The following PRDM1 variants were observed in gnomAD, a reference collection of about 807,000 sequenced individuals.
The protein encoded by PRDM1 is PR domain zinc finger protein 1.
In PRDM1, 13 loss-of-function variants were observed where a neutral mutation model predicts 62.8. That is an observed-to-expected ratio of 0.21 (90% CI 0.13 to 0.33). The LOEUF (loss-of-function observed/expected upper bound fraction) is 0.33, where lower values mean the gene tolerates loss of function less well. Ranked by LOEUF, PRDM1 falls within the 10% of genes least tolerant of loss-of-function variation. PRDM1 has a pLI of 1.00. For synonymous variants in PRDM1, 396 were observed against 417.6 expected (o/e 0.95, Z 0.63); for missense variants, 895 against 1,058.8 (o/e 0.85, Z 2.15).
Position 106,106,873 on chromosome 6 carries a change from G to A in PRDM1, c.1903-38G>A. On this transcript the variant is annotated intron_variant, in intron 6 of 6. Transcript: ENST00000369096. This position sits in a 1 kb window ranked among gnomAD's most constrained non-coding sequence, Gnocchi z 4.4. Reference sequence around the variant, plus strand: ...CAACTCTTAATCTTCTGGCCTTCCTGTCTCCCTTCCCTGCTGTCTCTCTCC... The same window carrying A: ...CAACTCTTAATCTTCTGGCCTTCCTATCTCCCTTCCCTGCTGTCTCTCTCC... The A allele has an allele frequency of 6.4e-7, 1 of 1,562,402 alleles. No individual in the cohort carries two copies.
intron 1 of PRDM1, among the ~76,000 whole-genome samples, chr6:106,077,549 C>T (rs1205970833): frequency 4.6e-5 from 7 of 152,228 alleles, no homozygotes; most frequent in Non-Finnish European, 5.9e-5. Context: ...TTCAATAAAC[C>T]AGGACTGCAT....
At chr6:106,092,913 A>G (rs769336028) in intron 2 of PRDM1, among the ~76,000 whole-genome samples, 2 of 152,190 alleles carry the variant, frequency 1.3e-5, no homozygotes, top group African/African-American at 4.8e-5. Flanking sequence ...ATCTTTATCT[A>G]TAGGTGTGAG....
intron 1 of PRDM1, among the ~76,000 whole-genome samples, chr6:106,054,921 T>C (rs988601299): frequency 5.9e-5 from 9 of 152,346 alleles, no homozygotes; most frequent in African/African-American, 2.2e-4. Context: ...ATATTCTGAA[T>C]TCATAGCGAG....
intron 1 of PRDM1, among the ~76,000 whole-genome samples, chr6:106,021,910 G>A (rs770565579): frequency 1.3e-5 from 2 of 152,052 alleles, no homozygotes; most frequent in Non-Finnish European, 2.9e-5. Flanking sequence ...GTGAGCCACC[G>A]TGCCCAGCGT....
At chr6:106,047,119 T>C (rs1773093717), upstream of PRDM1, among the ~76,000 whole-genome samples, 1 of 152,234 alleles carries the variant, frequency 6.6e-6, no homozygotes, top group South Asian at 2.1e-4. Context: ...GTCTTCATGA[T>C]ACTGTAGTCA....
rs1773875369 is a variant in PRDM1 at position 106,088,504 on chromosome 6, A to G, written c.291+55A>G. On this transcript the variant is annotated intron_variant, in intron 2 of 6. Transcript: ENST00000369096. ...TGGGGACCTGGTGCCAAATCTCCCT[A>G]CTTGCCCTTGAGGCCTTGTATATCT... is the stretch of plus-strand genomic sequence containing the variant. 5.6e-6 allele frequency: 9 copies of G among 1,607,780 alleles called. No individual in the cohort carries two copies. The East Asian group carries it at 1.6e-4, about 28-fold the overall frequency.
Position 106,108,334 on chromosome 6 carries a change from C to T in PRDM1, c.*848C>T, listed in dbSNP as rs577859021. The T allele has an allele frequency of 3.9e-5, 9 of 233,596 alleles. 1 individual carries two copies. Among genetic ancestry groups the T allele is most frequent in the Middle Eastern group, 1.3e-3 (1 of 786 alleles). The allele number at this position is 233,596 out of a possible 1,614,324, so 14.5% of individuals were successfully genotyped here. A position where few individuals can be genotyped will look rare whatever the true frequency, so the allele number is the denominator to read the frequency against. On this transcript the variant is annotated 3_prime_UTR_variant, in exon 7 of 7. Transcript: ENST00000369096. ...CCTCCCACCGCCCTGCCCTCCCCAC[C>T]GAGTCCTGTGGCCATTCAGAGCGGC...
chr6:106,102,359 C>A (rs998617343), intron 4 of PRDM1, among the ~76,000 whole-genome samples: 11 of 152,212 alleles, frequency 7.2e-5, no homozygotes, highest in Admixed American at 3.3e-4. Context: ...TTTTAAAATG[C>A]ACCTTTACTG....
intron 1 of PRDM1, among the ~76,000 whole-genome samples, chr6:106,025,106 C>T (rs1020773299): frequency 1.3e-5 from 2 of 152,120 alleles, no homozygotes; most frequent in Non-Finnish European, 2.9e-5. Context: ...GCTTTTTAAG[C>T]AAGCACACCA....
At chr6:105,995,897 T>G (rs983857178) in intron 1 of PRDM1, among the ~76,000 whole-genome samples, 3 of 152,196 alleles carry the variant, frequency 2.0e-5, no homozygotes, top group Non-Finnish European at 4.4e-5. Flanking sequence ...TTTTAAACAC[T>G]GTGGTTCAAA....
chr6:106,055,411 AGTAG>A (rs1773248706), intron 1 of PRDM1, among the ~76,000 whole-genome samples: 1 of 152,218 alleles, frequency 6.6e-6, no homozygotes, highest in Non-Finnish European at 1.5e-5. Context: ...GCATGTGATT[AGTAG>A]CCTGGTTCAC....
chr6:106,042,993 G>A (rs1245510645), intron 1 of PRDM1, among the ~76,000 whole-genome samples: 2 of 152,104 alleles, frequency 1.3e-5, no homozygotes, highest in Admixed American at 1.3e-4. Context: ...TGGGATTATA[G>A]GCATGTGCCA....
chr6:106,038,906 A>G (rs1003717609), intron 1 of PRDM1, among the ~76,000 whole-genome samples: 2 of 152,194 alleles, frequency 1.3e-5, no homozygotes, highest in Non-Finnish European at 2.9e-5. Flanking sequence ...TCTAGCTGAG[A>G]AGACAGGTCC....
At chr6:106,069,895 T>C (rs1468219012) in intron 1 of PRDM1, among the ~76,000 whole-genome samples, 2 of 152,200 alleles carry the variant, frequency 1.3e-5, no homozygotes, top group Non-Finnish European at 2.9e-5. Context: ...GTCTCTACAT[T>C]ATTTGTGGCC....
chr6:106,101,234 CT>C (rs1247107205), intron 4 of PRDM1, among the ~76,000 whole-genome samples: 1 of 152,072 alleles, frequency 6.6e-6, no homozygotes, highest in African/African-American at 2.4e-5. Context: ...TTGATTTTTG[CT>C]TTTCTTTAAA....
chr6:106,053,661 A>G (rs1369956925), intron 1 of PRDM1, among the ~76,000 whole-genome samples: 1 of 152,038 alleles, frequency 6.6e-6, no homozygotes, highest in African/African-American at 2.4e-5. Flanking sequence ...AAATGCCAAC[A>G]CTCTAAGGAG....
intron 4 of PRDM1, chr6:106,099,794 T>C: frequency 1.9e-6 from 1 of 520,960 alleles, no homozygotes. Context: ...TTCAGGATGT[T>C]ACAGGAAGAA....
At chr6:106,029,888 G>A (rs934095994) in intron 1 of PRDM1, among the ~76,000 whole-genome samples, 5 of 152,150 alleles carry the variant, frequency 3.3e-5, no homozygotes, top group African/African-American at 1.2e-4. Flanking sequence ...CAAAGCGTTA[G>A]GATTACAGGC....
At chr6:106,056,419 A>G (rs1451736772) in intron 1 of PRDM1, among the ~76,000 whole-genome samples, 1 of 152,196 alleles carries the variant, frequency 6.6e-6, no homozygotes, top group Non-Finnish European at 1.5e-5. Flanking sequence ...TAGCCTTTAT[A>G]AAGGTGGAAA....
Sources: gnomAD v4.1 joint callset for allele counts (sites outside exome capture counted in the v4.1 genomes callset) on GRCh38, gnomAD v4.1.1 for gene constraint, Gnocchi (gnomAD v3.1) non-coding constraint, MANE v1.5 for transcripts, NCBI Gene and HGNC (gene_info 2026-07-23, HGNC 2026-07-21) for gene names.